The following TRIM44 variants were observed in gnomAD, a reference collection of about 807,000 sequenced individuals.
TRIM44 encodes the protein tripartite motif-containing protein 44.
Under a neutral mutation model 37.4 loss-of-function variants are expected in TRIM44, and 13 were observed. The ratio of observed to expected loss-of-function variants is 0.35; its 90% CI spans 0.23 to 0.55. The LOEUF is 0.55. Ranked by LOEUF, TRIM44 falls within the 20% of genes least tolerant of loss-of-function variation. The probability of loss-of-function intolerance (pLI) is 0.89; values close to 1 mark genes in which losing one functional copy is unlikely to be tolerated. For synonymous variants in TRIM44, 175 were observed against 157.2 expected (o/e 1.11, Z -0.85); for missense variants, 426 against 437.2 (o/e 0.97, Z 0.23).
At chr11:35,754,158 T>A (rs1378077034) in intron 4 of TRIM44, among the ~76,000 whole-genome samples, 1 of 152,196 alleles carries the variant, frequency 6.6e-6, no homozygotes, top group African/African-American at 2.4e-5. Context: ...GTGTTAGAGG[T>A]AATCTTTCTT....
At chr11:35,673,224 TAAGATGTGTTATAG>T in intron 1 of TRIM44, among the ~76,000 whole-genome samples, 1 of 152,334 alleles carries the variant, frequency 6.6e-6, no homozygotes, top group East Asian at 1.9e-4. Flanking sequence ...TACTTTTTGA[TAAGATGTGTTATAG>T]AAGGCATCTC....
At chr11:35,775,794 C>G (rs1852948783) in intron 4 of TRIM44, among the ~76,000 whole-genome samples, 2 of 152,172 alleles carry the variant, frequency 1.3e-5, no homozygotes, top group Admixed American at 1.3e-4. Flanking sequence ...GTATGTTGAA[C>G]CAGCCTCACA....
At chr11:35,770,933 A>G (rs1852861002) in intron 4 of TRIM44, among the ~76,000 whole-genome samples, 1 of 152,148 alleles carries the variant, frequency 6.6e-6, no homozygotes, top group African/African-American at 2.4e-5. Context: ...AGCCATGTGG[A>G]ACGCTAAGCC....
chr11:35,719,254 A>G (rs948457305), intron 2 of TRIM44, among the ~76,000 whole-genome samples: 3 of 152,024 alleles, frequency 2.0e-5, no homozygotes, highest in Non-Finnish European at 4.4e-5. Flanking sequence ...GATCTTGTTA[A>G]TGTTTTGACT....
intron 4 of TRIM44, among the ~76,000 whole-genome samples, chr11:35,776,565 A>G (rs1852965829): frequency 6.6e-6 from 1 of 152,130 alleles, no homozygotes; most frequent in Non-Finnish European, 1.5e-5. Context: ...TGTCAATTTT[A>G]GATCTTTCCT....
intron 1 of TRIM44, among the ~76,000 whole-genome samples, chr11:35,682,501 A>G (rs1382267388): frequency 6.6e-6 from 1 of 152,202 alleles, no homozygotes; most frequent in Non-Finnish European, 1.5e-5. Flanking sequence ...CCTTCTGACC[A>G]ACTGCTTATT....
chr11:35,715,427 T>TGTGG (rs1554930079), intron 2 of TRIM44, among the ~76,000 whole-genome samples: 6 of 150,240 alleles, frequency 4.0e-5, no homozygotes, highest in Non-Finnish European at 7.4e-5. Flanking sequence ...TGTGTGTGTG[T>TGTGG]GTGGGTGTGG....
intron 4 of TRIM44, among the ~76,000 whole-genome samples, chr11:35,758,397 G>A (rs553966747): frequency 1.3e-5 from 2 of 152,236 alleles, no homozygotes; most frequent in African/African-American, 4.8e-5. Flanking sequence ...GTGTGTCTCT[G>A]CATGTGAGAT....
In TRIM44 at chr11:35,813,982, C is replaced by T. The variant is rs1330452009; in HGVS notation, c.*7597C>T. ...CATGAACAGTGGAGGTGCCAACTTT[C>T]CAATGTGATGAATAAAACTAATAAC... On this transcript the variant is annotated 3_prime_UTR_variant, in exon 5 of 5. Transcript: ENST00000299413. The T allele has an allele frequency of 6.6e-6, 1 of 152,096 alleles. No individual in the cohort carries two copies. The highest frequency in any genetic ancestry group is 1.9e-4 in the East Asian group (1 of 5,190). 9.4% of individuals were successfully genotyped at this position (152,096 alleles called of 1,614,324 possible).
intron 4 of TRIM44, among the ~76,000 whole-genome samples, chr11:35,736,664 C>A (rs941817243): frequency 1.3e-5 from 2 of 152,162 alleles, no homozygotes; most frequent in African/African-American, 4.8e-5. Flanking sequence ...AACATCTGCT[C>A]TGGAACAACA....
chr11:35,684,048 TAAAG>T (rs750934443), intron 1 of TRIM44, among the ~76,000 whole-genome samples: 8 of 152,158 alleles, frequency 5.3e-5, no homozygotes, highest in Admixed American at 1.3e-4. Context: ...ATTTTACAGA[TAAAG>T]AAATTGAGAC....
chr11:35,798,680 AT>A (rs1416096853), intron 4 of TRIM44, among the ~76,000 whole-genome samples: 1 of 152,232 alleles, frequency 6.6e-6, no homozygotes, highest in Non-Finnish European at 1.5e-5. Context: ...GGTAGAAATA[AT>A]TTAAATGCCC....
At chr11:35,753,723 A>T (rs1353722803) in intron 4 of TRIM44, among the ~76,000 whole-genome samples, 1 of 152,072 alleles carries the variant, frequency 6.6e-6, no homozygotes, top group Admixed American at 6.6e-5. Context: ...ATAGTTGCCA[A>T]ATTGATTTTT....
At chr11:35,674,010 T>C (rs578028140) in intron 1 of TRIM44, among the ~76,000 whole-genome samples, 97 of 152,164 alleles carry the variant, frequency 6.4e-4, no homozygotes, top group Non-Finnish European at 1.0e-3. Context: ...CTGTTCTTAT[T>C]ATTGTTTTAA....
At chr11:35,763,190 AT>A (rs1852750960) in intron 4 of TRIM44, among the ~76,000 whole-genome samples, 1 of 152,150 alleles carries the variant, frequency 6.6e-6, no homozygotes, top group Admixed American at 6.5e-5. Flanking sequence ...AAACCATGCA[AT>A]CCACCCTAGT....
Position 35,812,944 on chromosome 11 carries a change from A to G in TRIM44, c.*6559A>G, listed in dbSNP as rs149503822. ...AAGAAAATCAACGAGAGGCAAAACC[A>G]TGTCTTCTTTTGCTATAGCGTTAGA... On this transcript the variant is annotated 3_prime_UTR_variant, in exon 5 of 5. Coordinates refer to ENST00000299413, the MANE Select transcript of TRIM44 (RefSeq NM_017583.6). 2.0e-5 allele frequency: 3 copies of G among 152,296 alleles called. No individual in the cohort carries two copies. Among genetic ancestry groups the G allele is most frequent in the East Asian group, 3.9e-4 (2 of 5,192 alleles). 9.4% of individuals were successfully genotyped at this position (152,296 alleles called of 1,614,324 possible). A position where few individuals can be genotyped will look rare whatever the true frequency, so the allele number is the denominator to read the frequency against.
intron 2 of TRIM44, among the ~76,000 whole-genome samples, chr11:35,704,396 A>C (rs889413370): frequency 2.6e-5 from 4 of 152,230 alleles, no homozygotes; most frequent in Non-Finnish European, 4.4e-5. Context: ...ATTCAGATTC[A>C]GGAAATACAG....
intron 2 of TRIM44, among the ~76,000 whole-genome samples, chr11:35,709,322 C>T (rs1851936759): frequency 6.6e-6 from 1 of 152,098 alleles, no homozygotes; most frequent in Non-Finnish European, 1.5e-5. Context: ...GTTATGTATC[C>T]CATTTTTACA....
chr11:35,662,914 G>A lies in TRIM44; in HGVS notation c.-198G>A, dbSNP rs1246042971. 1.0e-5 allele frequency: 9 copies of A among 897,654 alleles called. No homozygotes were observed. Among genetic ancestry groups the A allele is most frequent in the Non-Finnish European group, 1.2e-5 (8 of 658,534 alleles). The allele number at this position is 897,654 out of a possible 1,614,324, so 55.6% of individuals were successfully genotyped here. On this transcript the variant is annotated 5_prime_UTR_variant, in exon 1 of 5. Transcript: ENST00000299413. ...GCAGGGACAGAGCGGAGCAGGCCGAGCCGGCGGAAAGGGTCTTTGCTGCTG... is the reference window on the plus strand; with the variant it reads ...GCAGGGACAGAGCGGAGCAGGCCGAACCGGCGGAAAGGGTCTTTGCTGCTG...
Sources: gnomAD v4.1 joint callset for allele counts (sites outside exome capture counted in the v4.1 genomes callset) on GRCh38, gnomAD v4.1.1 for gene constraint, MANE v1.5 for transcripts, NCBI Gene and HGNC (gene_info 2026-07-23, HGNC 2026-07-21) for gene names.